RFX3: variants seen among roughly 807,000 people sequenced by gnomAD.
RFX3 encodes regulatory factor X3, also known as transcription factor RFX3.
Under a neutral mutation model 98.6 loss-of-function variants are expected in RFX3, and 14 were observed. The ratio of observed to expected loss-of-function variants is 0.14; its 90% CI spans 0.09 to 0.22. The LOEUF (loss-of-function observed/expected upper bound fraction) is 0.22. RFX3 is among the 10% of genes least tolerant of loss of function. RFX3 has a pLI of 1.00. For synonymous variants in RFX3, 383 were observed against 328.4 expected (o/e 1.17, Z -1.80); for missense variants, 639 against 926.9 (o/e 0.69, Z 4.03).
At chr9:3,436,053 A>T (rs1447533572) in intron 1 of RFX3, among the ~76,000 whole-genome samples, 1 of 152,026 alleles carries the variant, frequency 6.6e-6, no homozygotes, top group African/African-American at 2.4e-5. Flanking sequence ...TTGGTCATGT[A>T]CATCCTTGAA....
intron 8 of RFX3, 135 bp downstream of exon 8, chr9:3,277,204 CA>C: frequency 1.3e-6 from 1 of 757,004 alleles, no homozygotes. Flanking sequence ...GACTGTTATA[CA>C]TATGATGTGC....
rs748693786 is a variant in RFX3 at position 3,424,348 on chromosome 9, C to CTTT, written c.-8-28755_-8-28753dup. 3.1e-3 allele frequency among the ~76,000 whole-genome samples: 238 copies of CTTT among 76,006 alleles called. 66 individuals carry two copies. Among genetic ancestry groups the CTTT allele is most frequent in the African/African-American group, 6.2e-3 (96 of 15,422 alleles). The allele number at this position is 76,006 out of a possible 152,430, so 49.9% of individuals were successfully genotyped here. A position where few individuals can be genotyped will look rare whatever the true frequency, so the allele number is the denominator to read the frequency against. On this transcript the variant is annotated intron_variant, in intron 1 of 16. Transcript: ENST00000617270. ...AGAGTCACTGTAATTACATAATTGA[C>CTTT]TTTTTTTTTTTTTTTTTTTTTTTTT...
At chr9:3,402,295 T>A (rs950411772) in intron 1 of RFX3, among the ~76,000 whole-genome samples, 3 of 152,172 alleles carry the variant, frequency 2.0e-5, no homozygotes, top group Non-Finnish European at 4.4e-5. Context: ...CACTGAGGAA[T>A]GTAACAGGTT....
intron 1 of RFX3, among the ~76,000 whole-genome samples, chr9:3,505,518 A>G (rs1004184698): frequency 7.4e-6 from 1 of 135,480 alleles, no homozygotes; most frequent in Non-Finnish European, 1.5e-5. Context: ...AAAGGCATAT[A>G]AAAATGATAA....
intron 2 of RFX3, among the ~76,000 whole-genome samples, chr9:3,357,399 C>G (rs1331040753): frequency 6.6e-6 from 1 of 151,954 alleles, no homozygotes; most frequent in African/African-American, 2.4e-5. Flanking sequence ...AGAGTCTCTA[C>G]TTTTCTAAAT....
chr9:3,320,911 C>G (rs1224391455), intron 4 of RFX3, among the ~76,000 whole-genome samples: 3 of 150,760 alleles, frequency 2.0e-5, no homozygotes, highest in Non-Finnish European at 3.0e-5. Flanking sequence ...AGTTTCCAGT[C>G]TTTTTCTTTT....
intron 1 of RFX3, among the ~76,000 whole-genome samples, chr9:3,518,359 G>C (rs75737694): frequency 0.012 from 1,864 of 152,290 alleles, 46 homozygotes; most frequent in African/African-American, 0.042. Flanking sequence ...TGGCTAAGCT[G>C]AGAGTCAGTC....
rs1038906469 is a variant in RFX3 at position 3,292,260 on chromosome 9, A to G, written c.731+817T>C. 2.6e-5 allele frequency among the ~76,000 whole-genome samples: 4 copies of G among 152,026 alleles called. No homozygotes were observed. The East Asian group carries it at 5.8e-4, about 22-fold the overall frequency. Reference sequence around the variant, plus strand: ...ATCCTTCTGTCCAGCTACTTAAAATATTTATCTTATGATAATTTATAGAAA... The same window carrying G: ...ATCCTTCTGTCCAGCTACTTAAAATGTTTATCTTATGATAATTTATAGAAA... On this transcript the variant is annotated intron_variant, in intron 6 of 16. Coordinates refer to ENST00000617270, the MANE Select transcript of RFX3 (RefSeq NM_001282116.2).
At chr9:3,351,031 C>T (rs570876037) in intron 2 of RFX3, among the ~76,000 whole-genome samples, 12 of 152,048 alleles carry the variant, frequency 7.9e-5, no homozygotes, top group African/African-American at 2.4e-4. Flanking sequence ...TGTCATTATA[C>T]ATTTGTTCAA....
intron 2 of RFX3, among the ~76,000 whole-genome samples, chr9:3,359,419 T>A (rs1380747905): frequency 6.6e-6 from 1 of 152,046 alleles, no homozygotes; most frequent in East Asian, 1.9e-4. Flanking sequence ...AAAGGTGGAT[T>A]GGAAAGCCAT....
intron 1 of RFX3, among the ~76,000 whole-genome samples, chr9:3,503,315 G>A (rs1224812693): frequency 6.6e-6 from 1 of 152,084 alleles, no homozygotes; most frequent in Non-Finnish European, 1.5e-5. Context: ...AGTTCAAAGA[G>A]AGAAAGATGG....
intron 2 of RFX3, among the ~76,000 whole-genome samples, chr9:3,365,102 C>T (rs1836899948): frequency 6.6e-6 from 1 of 151,974 alleles, no homozygotes; most frequent in Non-Finnish European, 1.5e-5. Flanking sequence ...GAGATCGAGA[C>T]CATCCTGGCC....
chr9:3,313,984 G>A (rs7860020), intron 4 of RFX3, among the ~76,000 whole-genome samples: 3 of 152,018 alleles, frequency 2.0e-5, no homozygotes, highest in East Asian at 1.9e-4. Context: ...CCAATTGAAC[G>A]AGGCAGGCCA....
At chr9:3,469,500 T>C (rs982855013) in intron 1 of RFX3, among the ~76,000 whole-genome samples, 5 of 152,166 alleles carry the variant, frequency 3.3e-5, no homozygotes, top group African/African-American at 7.2e-5. Context: ...TTCTAAAAAG[T>C]GCAGAAAGGT....
chr9:3,226,632 T>C lies in RFX3; in HGVS notation c.2012-1352A>G, dbSNP rs540280846. On this transcript the variant is annotated intron_variant, in intron 16 of 16. Transcript: ENST00000617270. ...TATCAAGTTACCTATTTGCCTCTGG[T>C]AAATGAACTTAATGATAATATTTGA... 2.0e-5 allele frequency among the ~76,000 whole-genome samples: 3 copies of C among 152,322 alleles called. No homozygotes were observed. In the East Asian group the frequency reaches 5.8e-4, roughly 29 times the overall value.
intron 1 of RFX3, among the ~76,000 whole-genome samples, chr9:3,492,994 T>C (rs1289072616): frequency 6.6e-6 from 1 of 152,136 alleles, no homozygotes; most frequent in Non-Finnish European, 1.5e-5. Context: ...CCAGCCTGAA[T>C]CTTCATTATA....
At chr9:3,452,384 A>C (rs939244109) in intron 1 of RFX3, 1 of 319,226 alleles carries the variant, frequency 3.1e-6, no homozygotes, top group African/African-American at 2.2e-5. Context: ...TGACACTAGG[A>C]GTTCAAGTCC....
In RFX3 at chr9:3,280,838, C is replaced by A. The variant is rs1027038898; in HGVS notation, c.852-3377G>T. Among the ~76,000 whole-genome samples, 6 of 151,646 alleles carry A rather than the reference C, an allele frequency of 4.0e-5. No homozygotes were observed. The East Asian group carries it at 5.8e-4, about 15-fold the overall frequency. ...GGTAGTACAGCCTAATCCACAGGAG[C>A]CTGTTGGTCCCAAATAGATTCCTTC... On this transcript the variant is annotated intron_variant, in intron 7 of 16. Coordinates refer to ENST00000617270, the MANE Select transcript of RFX3 (RefSeq NM_001282116.2).
intron 14 of RFX3, among the ~76,000 whole-genome samples, chr9:3,251,351 A>AATT (rs1286704576): frequency 6.8e-6 from 1 of 147,690 alleles, no homozygotes; most frequent in Non-Finnish European, 1.5e-5. Context: ...AAAATTAATT[A>AATT]TTTTTTTTTT....
Sources: gnomAD v4.1 joint callset for allele counts (sites outside exome capture counted in the v4.1 genomes callset) on GRCh38, gnomAD v4.1.1 for gene constraint, MANE v1.5 for transcripts, NCBI Gene and HGNC (gene_info 2026-07-23, HGNC 2026-07-21) for gene names.